AMBRA1: variants seen among roughly 807,000 people sequenced by gnomAD.
The protein encoded by AMBRA1 is activating molecule in BECN1-regulated autophagy protein 1.
AMBRA1 carries 47 observed loss-of-function variants against 125.4 expected under a neutral mutation model. The observed-to-expected ratio is 0.37, with a 90% CI of 0.30 to 0.48. AMBRA1 has a LOEUF of 0.48. Ranked by LOEUF, AMBRA1 falls within the 20% of genes least tolerant of loss-of-function variation. The pLI is 0.99. For missense variants in AMBRA1, 1,331 were observed against 1,693.4 expected, an observed-to-expected ratio of 0.79 and a Z score of 3.76; for synonymous variants, 626 against 655.5, an observed-to-expected ratio of 0.95 and a Z score of 0.69.
chr11:46,483,958 T>C (rs1445383508), intron 11 of AMBRA1, among the ~76,000 whole-genome samples: 1 of 152,096 alleles, frequency 6.6e-6, no homozygotes, highest in Non-Finnish European at 1.5e-5. Flanking sequence ...ACTTCCAGCA[T>C]TCATACTGCT....
chr11:46,397,975 T>A, intron 17 of AMBRA1, 32 bp from the exon 18 acceptor site: 1 of 1,553,616 alleles, frequency 6.4e-7, no homozygotes, highest in South Asian at 1.2e-5. Flanking sequence ...AGAGAGCGAA[T>A]TGGCTGCTGG....
chr11:46,580,942 C>T (rs1244863795), intron 1 of AMBRA1, among the ~76,000 whole-genome samples: 1 of 151,970 alleles, frequency 6.6e-6, no homozygotes, highest in African/African-American at 2.4e-5. Context: ...CAGGTGTGAG[C>T]CACCGCACCC....
intron 1 of AMBRA1, among the ~76,000 whole-genome samples, chr11:46,580,365 T>C (rs2044127748): frequency 6.6e-6 from 1 of 152,210 alleles, no homozygotes; most frequent in Admixed American, 6.5e-5. Context: ...CCAGCGCTAC[T>C]TTTGTGAATC....
At chr11:46,433,369 G>A in intron 14 of AMBRA1, 105 bp downstream of exon 14, 1 of 1,396,062 alleles carries the variant, frequency 7.2e-7, no homozygotes, top group Non-Finnish European at 9.6e-7. Context: ...TTATGACTGT[G>A]TGATAGCTCT....
chr11:46,584,184 T>C (rs2044283798), intron 1 of AMBRA1, among the ~76,000 whole-genome samples: 1 of 143,712 alleles, frequency 7.0e-6, no homozygotes, highest in African/African-American at 2.7e-5. Context: ...CACGGAATAC[T>C]ATGCAGCCAT....
intron 14 of AMBRA1, among the ~76,000 whole-genome samples, chr11:46,430,274 G>A (rs1391423969): frequency 6.6e-6 from 1 of 152,196 alleles, no homozygotes; most frequent in African/African-American, 2.4e-5. Context: ...AAACACCACT[G>A]TGCCTGCAAC....
At chr11:46,452,750 G>GT (rs1286632361) in intron 11 of AMBRA1, among the ~76,000 whole-genome samples, 1 of 152,146 alleles carries the variant, frequency 6.6e-6, no homozygotes, top group East Asian at 1.9e-4. Context: ...TGAAATCACA[G>GT]TCAATGTATC....
chr11:46,510,200 G>A (rs1033308186), intron 8 of AMBRA1, among the ~76,000 whole-genome samples: 19 of 152,194 alleles, frequency 1.2e-4, no homozygotes, highest in African/African-American at 3.6e-4. Flanking sequence ...AGGCATAGGA[G>A]GCACAGATGC....
At chr11:46,468,814 C>CAA (rs11337927) in intron 11 of AMBRA1, among the ~76,000 whole-genome samples, 61 of 104,536 alleles carry the variant, frequency 5.8e-4, no homozygotes, top group African/African-American at 1.1e-3. Flanking sequence ...GGCTCCGTCT[C>CAA]AAAAAAAAAA....
At position 46,461,149 on chromosome 11, in the gene AMBRA1, G is replaced by A. The variant is rs187600988; in HGVS notation, c.2522-17551C>T. ...TCCCAGCTATTTAGGAGGCTGAGGT[G>A]GAAGGATCTCTTGAACCTGGAAAGT... is the stretch of plus-strand genomic sequence containing the variant. On this transcript the variant is annotated intron_variant, in intron 11 of 17. Transcript: ENST00000683756. Among the ~76,000 whole-genome samples the A allele has an allele frequency of 1.5e-3, 236 of 152,288 alleles. 3 individuals carry two copies. The highest frequency in any genetic ancestry group is 2.4e-3 in the Non-Finnish European group (161 of 68,028).
intron 9 of AMBRA1, among the ~76,000 whole-genome samples, chr11:46,503,140 A>G (rs2135016069): frequency 6.6e-6 from 1 of 151,764 alleles, no homozygotes. Flanking sequence ...GAAGAGGACT[A>G]GCTTCTGGCC....
chr11:46,542,836 G>A lies in AMBRA1; in HGVS notation c.1181C>T (p.Ser394Phe). 6 of 1,614,054 alleles carry A rather than the reference G, an allele frequency of 3.7e-6. No individual in the cohort carries two copies. Among genetic ancestry groups the A allele is most frequent in the Non-Finnish European group, 4.2e-6 (5 of 1,180,022 alleles). ...RNLSLGPTRR[S>F]LGGPLSSHPS... ...GTGGCTAGACAGAGGCCCTCCCAAA[G>A]AGCGGCGGGTAGGACCCAGACTGAG... Residue 394 changes from serine to phenylalanine, a missense_variant, in exon 7 of 18, where the codon TCT (serine) becomes TTT (phenylalanine). By Grantham distance (155) the Ser-to-Phe change is radical (BLOSUM62 -2). This residue lies in a region of AMBRA1 where 689 missense variants were observed against 776.5 expected (regional missense o/e 0.89). Coordinates refer to ENST00000683756, the MANE Select transcript of AMBRA1 (RefSeq NM_001387011.1). The surrounding 1 kb of genome is among the most constrained non-coding windows in gnomAD (Gnocchi z 5.9).
chr11:46,574,558 G>C (rs1480992217), intron 1 of AMBRA1, among the ~76,000 whole-genome samples: 14 of 151,820 alleles, frequency 9.2e-5, no homozygotes. Context: ...TGTAGATTCT[G>C]GATATTAGCC....
rs911527232 is a variant in AMBRA1 at position 46,548,464 on chromosome 11, G to A, written c.-84C>T. 19 of 1,553,890 alleles carry A rather than the reference G, an allele frequency of 1.2e-5. No homozygotes were observed. The highest frequency in any genetic ancestry group is 1.7e-5 in the Non-Finnish European group (19 of 1,142,386). On this transcript the variant is annotated 5_prime_UTR_variant, in exon 2 of 18. Coordinates refer to ENST00000683756, the MANE Select transcript of AMBRA1 (RefSeq NM_001387011.1). The stretch of plus-strand genomic sequence containing the variant: ...CAACACACTGAAGCAGCTAAAATGA[G>A]GCCATACAGGTCCTTGTAAGTTGTC...
intron 7 of AMBRA1, among the ~76,000 whole-genome samples, chr11:46,532,282 C>G (rs1007681897): frequency 1.3e-5 from 2 of 152,110 alleles, no homozygotes; most frequent in Non-Finnish European, 1.5e-5. Context: ...TTTTCTCATA[C>G]AAGGGTGTCA....
chr11:46,565,453 T>A (rs2043488012), intron 1 of AMBRA1, among the ~76,000 whole-genome samples: 1 of 151,360 alleles, frequency 6.6e-6, no homozygotes, highest in African/African-American at 2.4e-5. Flanking sequence ...ACACCTATAA[T>A]CCCAGCACTT....
At chr11:46,493,471 A>G in intron 11 of AMBRA1, 137 bp downstream of exon 11, 1 of 670,994 alleles carries the variant, frequency 1.5e-6, no homozygotes. Context: ...GGAACTGAAT[A>G]TCAAACCAGG....
At chr11:46,575,397 T>C (rs2135290081) in intron 1 of AMBRA1, among the ~76,000 whole-genome samples, 1 of 149,258 alleles carries the variant, frequency 6.7e-6, no homozygotes, top group Non-Finnish European at 1.5e-5. Context: ...GTGGAGGTTG[T>C]GGTGAGCTGA....
chr11:46,513,924 C>T (rs1031190284), intron 7 of AMBRA1, among the ~76,000 whole-genome samples: 4 of 150,480 alleles, frequency 2.7e-5, no homozygotes, highest in African/African-American at 4.9e-5. Flanking sequence ...AGTCAGAACA[C>T]GTATAATAAA....
Sources: gnomAD v4.1 joint callset for allele counts (sites outside exome capture counted in the v4.1 genomes callset) on GRCh38, gnomAD v4.1.1 for gene constraint, gnomAD v4.1.1 regional missense constraint, Gnocchi (gnomAD v3.1) non-coding constraint, MANE v1.5 for transcripts, NCBI Gene and HGNC (gene_info 2026-07-23, HGNC 2026-07-21) for gene names.